KCNMA1: variants seen among roughly 807,000 people sequenced by gnomAD.
KCNMA1 encodes the protein potassium calcium-activated channel subfamily M alpha 1.
In KCNMA1, 29 loss-of-function variants were observed where a neutral mutation model predicts 140.0. The ratio of observed to expected loss-of-function variants is 0.21; its 90% CI spans 0.15 to 0.28. KCNMA1 has a LOEUF of 0.28. Among genes scored for constraint, KCNMA1 ranks in the 10% least tolerant of loss-of-function variants. KCNMA1 has a pLI of 1.00. For synonymous variants in KCNMA1, 612 were observed against 611.9 expected, an observed-to-expected ratio of 1.00 and a Z score of 0.00; for missense variants, 880 against 1,602.2, an observed-to-expected ratio of 0.55 and a Z score of 7.70.
At chr10:77,131,964 CAAAAA>C (rs34972346) in intron 5 of KCNMA1, among the ~76,000 whole-genome samples, 2 of 92,510 alleles carry the variant, frequency 2.2e-5, no homozygotes. Flanking sequence ...GACTCGGTCT[CAAAAA>C]AAAAAAAAAA....
At chr10:77,637,139 G>C (rs2093837401) in intron 1 of KCNMA1, 126 bp downstream of exon 1, 1 of 1,251,898 alleles carries the variant, frequency 8.0e-7, no homozygotes, top group Non-Finnish European at 1.1e-6. Flanking sequence ...AAGGGAAGGC[G>C]GCGAGGGGAA....
At chr10:77,404,064 T>C (rs199778624) in intron 1 of KCNMA1, 41 bp from the exon 2 acceptor site, 111 of 1,602,656 alleles carry the variant, frequency 6.9e-5, no homozygotes, top group Non-Finnish European at 9.2e-5. Flanking sequence ...TAGGGAACAA[T>C]GGATTTAAAT....
intron 1 of KCNMA1, among the ~76,000 whole-genome samples, chr10:77,506,343 G>A (rs2045815802): frequency 6.6e-6 from 1 of 152,114 alleles, no homozygotes; most frequent in Non-Finnish European, 1.5e-5. Context: ...CCTACTCTGG[G>A]TATGGTTAGA....
chr10:77,526,981 C>T (rs1479281748), intron 1 of KCNMA1, among the ~76,000 whole-genome samples: 1 of 152,182 alleles, frequency 6.6e-6, no homozygotes, highest in Admixed American at 6.5e-5. Flanking sequence ...TTGCCATTTC[C>T]TTTTCAAATC....
At chr10:77,159,647 T>C (rs1484146789) in intron 5 of KCNMA1, among the ~76,000 whole-genome samples, 1 of 152,148 alleles carries the variant, frequency 6.6e-6, no homozygotes, top group East Asian at 1.9e-4. Context: ...ACACTTGCCC[T>C]CAGTTTGACC....
At chr10:77,512,242 C>T (rs1401750385) in intron 1 of KCNMA1, among the ~76,000 whole-genome samples, 1 of 152,178 alleles carries the variant, frequency 6.6e-6, no homozygotes, top group African/African-American at 2.4e-5. Flanking sequence ...TTCCCCTGGT[C>T]CCACCAGCCT....
At chr10:77,376,944 A>AACAAATACATACATAC (rs2095151285) in intron 2 of KCNMA1, among the ~76,000 whole-genome samples, 1 of 28,762 alleles carries the variant, frequency 3.5e-5, no homozygotes, top group South Asian at 7.6e-4. Context: ...TCTCAAAATA[A>AACAAATACATACATAC]ATAAATACAT....
At chr10:77,340,340 G>A (rs2090507192) in intron 2 of KCNMA1, among the ~76,000 whole-genome samples, 1 of 152,094 alleles carries the variant, frequency 6.6e-6, no homozygotes, top group Non-Finnish European at 1.5e-5. Context: ...AATACCATTT[G>A]ACCCAGCCAT....
chr10:77,635,244 A>C (rs1465694616), intron 1 of KCNMA1: 2 of 152,256 alleles, frequency 1.3e-5, no homozygotes, highest in African/African-American at 4.8e-5. Context: ...TTAGCATTTC[A>C]TTACAGACAC....
At chr10:76,991,742 T>C (rs1592977615) in intron 19 of KCNMA1, among the ~76,000 whole-genome samples, 2 of 152,282 alleles carry the variant, frequency 1.3e-5, no homozygotes, top group East Asian at 1.9e-4. Flanking sequence ...GCATGCTACA[T>C]TTTTGACCTT....
intron 14 of KCNMA1, among the ~76,000 whole-genome samples, chr10:77,052,919 GTA>G (rs1216015468): frequency 6.6e-6 from 1 of 152,150 alleles, no homozygotes; most frequent in Non-Finnish European, 1.5e-5. Context: ...CCGAAAAACC[GTA>G]TCAAAGTATT....
chr10:77,384,069 G>A (rs531967247), intron 2 of KCNMA1, among the ~76,000 whole-genome samples: 1 of 152,242 alleles, frequency 6.6e-6, no homozygotes, highest in African/African-American at 2.4e-5. Flanking sequence ...GATGGTGTCT[G>A]ACTCTAATGG....
At chr10:77,337,162 G>A (rs1398296236) in intron 2 of KCNMA1, among the ~76,000 whole-genome samples, 5 of 152,184 alleles carry the variant, frequency 3.3e-5, no homozygotes, top group South Asian at 2.1e-4. Context: ...CACTGTGCCT[G>A]GTATACAGTG....
chr10:77,198,146 C>T (rs1435921876), intron 3 of KCNMA1, among the ~76,000 whole-genome samples: 3 of 152,100 alleles, frequency 2.0e-5, no homozygotes, highest in South Asian at 2.1e-4. Context: ...AGAAACAAGG[C>T]ATCAGTTACA....
intron 5 of KCNMA1, among the ~76,000 whole-genome samples, chr10:77,152,641 G>T (rs1019365504): frequency 6.6e-6 from 1 of 152,152 alleles, no homozygotes; most frequent in Non-Finnish European, 1.5e-5. Flanking sequence ...GTTGGTCACT[G>T]GTTGAGGAGG....
At chr10:77,509,666 A>C (rs776162489) in intron 1 of KCNMA1, among the ~76,000 whole-genome samples, 7 of 152,186 alleles carry the variant, frequency 4.6e-5, no homozygotes, top group Admixed American at 2.0e-4. Flanking sequence ...TTGTTTTCCA[A>C]CTTTTTTGAT....
intron 23 of KCNMA1, among the ~76,000 whole-genome samples, chr10:76,933,293 C>G (rs1481346242): frequency 2.0e-5 from 3 of 152,164 alleles, no homozygotes; most frequent in African/African-American, 7.2e-5. Context: ...CTCCACAAAC[C>G]TCTACTGAGT....
At chr10:77,027,693 T>C in intron 16 of KCNMA1, 130 bp downstream of exon 16, 1 of 812,806 alleles carries the variant, frequency 1.2e-6, no homozygotes, top group South Asian at 1.4e-5. Context: ...TGCTCTAGGG[T>C]CAGAGAGGTT....
intron 17 of KCNMA1, among the ~76,000 whole-genome samples, chr10:77,016,099 T>C (rs991666394): frequency 6.6e-6 from 1 of 152,052 alleles, no homozygotes; most frequent in African/African-American, 2.4e-5. Flanking sequence ...CTCATACCAC[T>C]CTCCCCAAAT....
Sources: allele counts gnomAD v4.1 joint callset (sites outside exome capture counted in the v4.1 genomes callset), GRCh38; gene constraint gnomAD v4.1.1; transcripts MANE v1.5; gene names NCBI Gene and HGNC (gene_info 2026-07-23, HGNC 2026-07-21).